CPT1A: variants seen among roughly 807,000 people sequenced by gnomAD.
The protein encoded by CPT1A is carnitine O-palmitoyltransferase 1, liver isoform.
A neutral mutation model predicts 100.8 loss-of-function variants in CPT1A; 64 were observed. The observed-to-expected ratio is 0.63, with a 90% CI of 0.52 to 0.78. CPT1A has a LOEUF of 0.78. CPT1A is among the 30% of genes least tolerant of loss of function. The pLI, the probability that CPT1A is intolerant of heterozygous loss-of-function variation, is 0.00. For synonymous variants in CPT1A, 363 were observed against 396.0 expected, an observed-to-expected ratio of 0.92 and a Z score of 0.99; for missense variants, 802 against 1,034.1, an observed-to-expected ratio of 0.78 and a Z score of 3.08.
At chr11:68,815,573 A>T in intron 1 of CPT1A, 86 bp from the exon 2 acceptor site, 3 of 1,328,918 alleles carry the variant, frequency 2.3e-6, no homozygotes, top group Non-Finnish European at 3.2e-6. Context: ...ATTCCTTCTG[A>T]ACTTAAGTTC....
At chr11:68,832,451 AAAACAAACAAAC>A (rs369599152) in intron 1 of CPT1A, among the ~76,000 whole-genome samples, 3 of 151,938 alleles carry the variant, frequency 2.0e-5, no homozygotes, top group South Asian at 4.1e-4. Flanking sequence ...CTCTGTCTCA[AAAACAAACAAAC>A]AAACAAACAA....
At chr11:68,781,691 AGG>A in intron 11 of CPT1A, 78 bp downstream of exon 11, 1 of 1,141,750 alleles carries the variant, frequency 8.8e-7, no homozygotes, top group Non-Finnish European at 1.3e-6. Context: ...ATAGATACTT[AGG>A]GGTGAGTGTC....
At chr11:68,772,439 A>T (rs1403909915) in intron 14 of CPT1A, among the ~76,000 whole-genome samples, 1 of 152,154 alleles carries the variant, frequency 6.6e-6, no homozygotes, top group African/African-American at 2.4e-5. Context: ...CTGGGATGGA[A>T]TGCTCCCTCC....
In CPT1A at chr11:68,798,306, G is replaced by T. The variant is rs548406941; in HGVS notation, c.693+912C>A. On this transcript the variant is annotated intron_variant, in intron 6 of 18. Transcript: ENST00000265641. The stretch of plus-strand genomic sequence containing the variant: ...GCGGAGAGCTGTGCAGAGAGCTGAC[G>T]TTTACCAGTCCAGCACACCGGTGCA... Among the ~76,000 whole-genome samples, 16 of 152,310 alleles carry T rather than the reference G, an allele frequency of 1.1e-4. No homozygotes were observed. In the South Asian group the frequency reaches 3.1e-3, roughly 30 times the overall value.
intron 10 of CPT1A, among the ~76,000 whole-genome samples, chr11:68,783,330 C>G (rs893408758): frequency 2.0e-5 from 3 of 151,948 alleles, no homozygotes; most frequent in Non-Finnish European, 4.4e-5. Context: ...CAGAATCAAG[C>G]TCAAATATGA....
Position 68,757,683 on chromosome 11 carries a change from G to A in CPT1A, c.2283C>T (p.Ile761=), listed in dbSNP as rs761306389. 1.5e-5 allele frequency: 25 copies of A among 1,614,048 alleles called. No homozygotes were observed. Among genetic ancestry groups the A allele is most frequent in the Non-Finnish European group, 2.1e-5 (25 of 1,180,030 alleles). Residue 761 remains isoleucine (I), a synonymous_variant, in exon 19 of 19, where the codon ATC becomes ATT. Transcript: ENST00000265641. The part of the protein sequence containing the change: ...GRHLKEAMTD[I]ITLFGLSSNS... ...TAGAACTGAGACCAAACAAAGTGAT[G>A]ATGTCAGTCATTGCTTCTTTCAGGT...
chr11:68,842,278 G>A (rs1857178672), upstream of CPT1A, among the ~76,000 whole-genome samples: 1 of 152,052 alleles, frequency 6.6e-6, no homozygotes, highest in Admixed American at 6.6e-5. Flanking sequence ...GACAAGGGTC[G>A]CGGGCCAGGA....
At chr11:68,768,177 G>C (rs1318214034) in intron 14 of CPT1A, among the ~76,000 whole-genome samples, 3 of 136,728 alleles carry the variant, frequency 2.2e-5, no homozygotes, top group Admixed American at 1.7e-4. Flanking sequence ...CCGGGTTCAC[G>C]CCATTCTCCT....
chr11:68,775,556 C>G, intron 12 of CPT1A, 124 bp from the exon 13 acceptor site: 1 of 750,294 alleles, frequency 1.3e-6, no homozygotes, highest in South Asian at 1.6e-5. Context: ...GCTGTTAAGG[C>G]TTCCAGTATG....
intron 7 of CPT1A, 53 bp from the exon 8 acceptor site, chr11:68,794,964 T>A: frequency 7.3e-7 from 1 of 1,361,804 alleles, no homozygotes; most frequent in Non-Finnish European, 1.1e-6. Context: ...TAAGCAAATT[T>A]AAATAATCAC....
intron 12 of CPT1A, among the ~76,000 whole-genome samples, chr11:68,776,375 A>T (rs374249231): frequency 2.3e-4 from 35 of 152,320 alleles, no homozygotes; most frequent in Middle Eastern, 3.4e-3. Context: ...CTCCAGCCTG[A>T]GCGACAGAGC....
chr11:68,834,009 C>T (rs533007930), intron 1 of CPT1A, among the ~76,000 whole-genome samples: 20 of 152,080 alleles, frequency 1.3e-4, no homozygotes, highest in Non-Finnish European at 2.8e-4. Context: ...TGAAAGGTTG[C>T]GTCTTGAATT....
intron 1 of CPT1A, among the ~76,000 whole-genome samples, chr11:68,828,906 G>T (rs1488253539): frequency 6.6e-6 from 1 of 152,132 alleles, no homozygotes; most frequent in African/African-American, 2.4e-5. Flanking sequence ...GCTGCCTTGG[G>T]CCCCTCTGGC....
intron 6 of CPT1A, among the ~76,000 whole-genome samples, chr11:68,797,794 A>G (rs1256037835): frequency 6.6e-6 from 1 of 152,170 alleles, no homozygotes; most frequent in African/African-American, 2.4e-5. Flanking sequence ...CCTGGCCAAC[A>G]TGATGAAACC....
intron 13 of CPT1A, chr11:68,773,855 G>C (rs897818223): frequency 3.6e-6 from 1 of 281,524 alleles, no homozygotes; most frequent in African/African-American, 2.2e-5. Context: ...GTGGGCTGAA[G>C]CATGCGCACT....
In CPT1A at chr11:68,805,399, C is replaced by T. The variant is rs181335994; in HGVS notation, c.454-1298G>A. Among the ~76,000 whole-genome samples, 539 of 151,390 alleles carry T rather than the reference C, an allele frequency of 3.6e-3. 1 individual carries two copies. The highest frequency in any genetic ancestry group is 6.0e-3 in the Non-Finnish European group (408 of 67,920). The stretch of plus-strand genomic sequence containing the variant: ...CCGGGAGGCGGAGGTTGTAATGAGC[C>T]GAGATTGCACCACTGCACTCCAGCC... On this transcript the variant is annotated intron_variant, in intron 4 of 18. Coordinates refer to ENST00000265641, the MANE Select transcript of CPT1A (RefSeq NM_001876.4).
intron 6 of CPT1A, among the ~76,000 whole-genome samples, chr11:68,798,226 C>T (rs532332379): frequency 2.0e-5 from 3 of 152,198 alleles, no homozygotes; most frequent in African/African-American, 7.2e-5. Context: ...TTCCTTTCAG[C>T]TTTGTGCTGA....
In CPT1A at chr11:68,784,808, T is replaced by C; in HGVS notation, c.1163+7A>G. The C allele has an allele frequency of 6.2e-7, 1 of 1,606,518 alleles. No individual in the cohort carries two copies. The highest frequency in any genetic ancestry group is 8.5e-7 in the Non-Finnish European group (1 of 1,179,844). ...CCAAAACAGGACAAGGGACCTAGGC[T>C]GCGCACCTGTCTCCTGCGGTGAGGG... On this transcript the variant is annotated splice_region_variant and intron_variant, in intron 10 of 18. Transcript: ENST00000265641.
At chr11:68,765,784 A>G (rs915418233) in intron 14 of CPT1A, among the ~76,000 whole-genome samples, 3 of 152,208 alleles carry the variant, frequency 2.0e-5, no homozygotes. Context: ...GACAGGGATG[A>G]ACAAAAAAAT....
Sources: allele counts gnomAD v4.1 joint callset (sites outside exome capture counted in the v4.1 genomes callset), GRCh38; gene constraint gnomAD v4.1.1; transcripts MANE v1.5; gene names NCBI Gene and HGNC (gene_info 2026-07-23, HGNC 2026-07-21).